BMPR1A: variants seen among roughly 807,000 people sequenced by gnomAD.
The protein encoded by BMPR1A is bone morphogenetic protein receptor type 1A.
A neutral mutation model predicts 66.0 loss-of-function variants in BMPR1A; 7 were observed. The observed-to-expected ratio is 0.11, with a 90% CI of 0.06 to 0.20. The LOEUF is 0.20. Among genes scored for constraint, BMPR1A ranks in the 10% least tolerant of loss-of-function variants. The pLI is 1.00. For synonymous variants in BMPR1A, 200 were observed against 229.7 expected, an observed-to-expected ratio of 0.87 and a Z score of 1.17; for missense variants, 408 against 669.1, an observed-to-expected ratio of 0.61 and a Z score of 4.31.
At chr10:86,890,265 A>G in intron 4 of BMPR1A, 41 bp downstream of exon 4, 2 of 1,607,770 alleles carry the variant, frequency 1.2e-6, no homozygotes, top group South Asian at 1.1e-5. Flanking sequence ...TTAGGAGAAT[A>G]GAGTTGCATT....
intron 4 of BMPR1A, among the ~76,000 whole-genome samples, chr10:86,891,638 C>G (rs1843151257): frequency 2.0e-5 from 3 of 152,096 alleles, no homozygotes; most frequent in Non-Finnish European, 2.9e-5. Flanking sequence ...CCATCATATT[C>G]AGTAAAAGGT....
intron 1 of BMPR1A, among the ~76,000 whole-genome samples, chr10:86,823,874 C>G (rs934856663): frequency 2.0e-5 from 3 of 152,192 alleles, no homozygotes; most frequent in African/African-American, 7.2e-5. Flanking sequence ...TTACTTCCCA[C>G]CTGTGAAGCA....
At chr10:86,850,454 T>TG (rs1842551733) in intron 2 of BMPR1A, among the ~76,000 whole-genome samples, 2 of 152,176 alleles carry the variant, frequency 1.3e-5, no homozygotes, top group South Asian at 2.1e-4. Context: ...GCATGTCACC[T>TG]GGGGGTCTTG....
intron 7 of BMPR1A, among the ~76,000 whole-genome samples, chr10:86,900,638 A>C (rs1300556384): frequency 6.6e-6 from 1 of 152,244 alleles, no homozygotes; most frequent in Non-Finnish European, 1.5e-5. Flanking sequence ...CCAAGTACAT[A>C]CAGCAATTTA....
intron 1 of BMPR1A, among the ~76,000 whole-genome samples, chr10:86,814,247 G>A (rs766500605): frequency 6.6e-6 from 1 of 152,006 alleles, no homozygotes; most frequent in Non-Finnish European, 1.5e-5. Context: ...TGATCCTCTC[G>A]CCTCAGCTTC....
Position 86,797,247 on chromosome 10 carries a change from T to TTTTTTTTTTTTTTTTTG in BMPR1A, c.-268+40329_-268+40330insTTTTTTTTTTTTTTTGT, listed in dbSNP as rs1372738374. 1.6e-4 allele frequency among the ~76,000 whole-genome samples: 20 copies of TTTTTTTTTTTTTTTTTG among 124,954 alleles called. 2 individuals carry two copies. The highest frequency in any genetic ancestry group is 5.6e-4 in the South Asian group (2 of 3,550). The allele number at this position is 124,954 out of a possible 152,430, so 82.0% of individuals were successfully genotyped here. A position where few individuals can be genotyped will look rare whatever the true frequency, so the allele number is the denominator to read the frequency against. Reference sequence around the variant, plus strand: ...GCCCGGCTAATTTTTTTTTTTTTTTTTGAGACGGAGTCTTGCTCTGTTGTC... The same window carrying TTTTTTTTTTTTTTTTTG: ...GCCCGGCTAATTTTTTTTTTTTTTTTTTTTTTTTTTTTTTTTGTGAGACGGAGTCTTGCTCTGTTGTC... On this transcript the variant is annotated intron_variant, in intron 1 of 12. Transcript: ENST00000372037.
chr10:86,868,244 A>G (rs1320786471), intron 2 of BMPR1A, among the ~76,000 whole-genome samples: 1 of 152,212 alleles, frequency 6.6e-6, no homozygotes, highest in Non-Finnish European at 1.5e-5. Context: ...TCTGTGTATT[A>G]CCTCAGATAC....
At chr10:86,916,438 T>C (rs938118529) in intron 8 of BMPR1A, among the ~76,000 whole-genome samples, 1 of 152,208 alleles carries the variant, frequency 6.6e-6, no homozygotes, top group Non-Finnish European at 1.5e-5. Flanking sequence ...TATTTTTTGG[T>C]CACAGGGTTC....
intron 1 of BMPR1A, among the ~76,000 whole-genome samples, chr10:86,794,349 C>G (rs1392440727): frequency 2.0e-5 from 3 of 152,022 alleles, no homozygotes; most frequent in Non-Finnish European, 4.4e-5. Flanking sequence ...AGTTTCTTCT[C>G]TGTACTTGTT....
chr10:86,758,039 C>A (rs1435565726), intron 1 of BMPR1A, among the ~76,000 whole-genome samples: 1 of 152,090 alleles, frequency 6.6e-6, no homozygotes, highest in African/African-American at 2.4e-5. Context: ...TAACTTAATG[C>A]GTCTCATTGT....
chr10:86,828,794 A>AAT (rs1554882628), intron 1 of BMPR1A, among the ~76,000 whole-genome samples: 4 of 151,938 alleles, frequency 2.6e-5, no homozygotes, highest in South Asian at 2.1e-4. Flanking sequence ...ATAAAAAAAA[A>AAT]ATATATATAC....
chr10:86,760,518 G>A (rs747764190), intron 1 of BMPR1A, among the ~76,000 whole-genome samples: 2 of 152,084 alleles, frequency 1.3e-5, no homozygotes, highest in Non-Finnish European at 2.9e-5. Flanking sequence ...TTACACAGGT[G>A]AGGCACTGTG....
At chr10:86,823,874 C>T (rs934856663) in intron 1 of BMPR1A, among the ~76,000 whole-genome samples, 1 of 152,192 alleles carries the variant, frequency 6.6e-6, no homozygotes, top group Non-Finnish European at 1.5e-5. Context: ...TTACTTCCCA[C>T]CTGTGAAGCA....
At chr10:86,796,824 G>T (rs1485110212) in intron 1 of BMPR1A, among the ~76,000 whole-genome samples, 1 of 151,856 alleles carries the variant, frequency 6.6e-6, no homozygotes, top group Non-Finnish European at 1.5e-5. Context: ...TTGTCCCAGT[G>T]AGCTTTTTCC....
chr10:86,776,571 T>C lies in BMPR1A; in HGVS notation c.-268+19652T>C, dbSNP rs533705867. On this transcript the variant is annotated intron_variant, in intron 1 of 12. Coordinates refer to ENST00000372037, the MANE Select transcript of BMPR1A (RefSeq NM_004329.3). The stretch of plus-strand genomic sequence containing the variant: ...TCCACTCAAGCAGTGGAATTTTCTG[T>C]TGCAGACCCCCTTTCCTTGGGCCTG... 2.6e-5 allele frequency among the ~76,000 whole-genome samples: 4 copies of C among 152,296 alleles called. No individual in the cohort carries two copies. In the East Asian group the frequency reaches 7.7e-4, roughly 29 times the overall value.
intron 2 of BMPR1A, among the ~76,000 whole-genome samples, chr10:86,843,800 T>G (rs1842452108): frequency 6.6e-6 from 1 of 152,214 alleles, no homozygotes. Flanking sequence ...GTGAAATTAC[T>G]CTAGCAGTGA....
chr10:86,889,132 G>GT (rs1187625300), intron 3 of BMPR1A, among the ~76,000 whole-genome samples: 1 of 152,126 alleles, frequency 6.6e-6, no homozygotes, highest in Non-Finnish European at 1.5e-5. Flanking sequence ...TACTAGAACA[G>GT]TTTTTTTAGT....
chr10:86,790,160 TC>T (rs1564685262), intron 1 of BMPR1A, among the ~76,000 whole-genome samples: 2 of 9,970 alleles, frequency 2.0e-4, no homozygotes, highest in African/African-American at 8.4e-4. Context: ...AGACTCTGTC[TC>T]CAAAAAAAAA....
chr10:86,912,655 G>A (rs920820706), intron 8 of BMPR1A, among the ~76,000 whole-genome samples: 2 of 152,196 alleles, frequency 1.3e-5, no homozygotes, highest in African/African-American at 2.4e-5. Context: ...GTTAGATCAC[G>A]AAGTCCTATA....
Sources: allele counts gnomAD v4.1 joint callset (sites outside exome capture counted in the v4.1 genomes callset), GRCh38; gene constraint gnomAD v4.1.1; transcripts MANE v1.5; gene names NCBI Gene and HGNC (gene_info 2026-07-23, HGNC 2026-07-21).